The following DDX17 variants were observed in gnomAD, a reference collection of about 807,000 sequenced individuals.
DDX17 encodes the protein DEAD-box helicase 17.
DDX17 carries 10 observed loss-of-function variants against 80.8 expected under a neutral mutation model. The observed-to-expected ratio is 0.12, with a 90% confidence interval of 0.08 to 0.21. The LOEUF is 0.21. Ranked by LOEUF, DDX17 falls within the 10% of genes least tolerant of loss-of-function variation. The pLI, the probability that DDX17 is intolerant of heterozygous loss-of-function variation, is 1.00. For missense variants in DDX17, 586 were observed against 957.4 expected, an observed-to-expected ratio of 0.61 and a Z score of 5.12; for synonymous variants, 339 against 336.2, an observed-to-expected ratio of 1.01 and a Z score of -0.09.
In DDX17 at chr22:38,487,181, A is replaced by G. The variant is rs190546641; in HGVS notation, c.1684+698T>C. On this transcript the variant is annotated intron_variant, in intron 12 of 12. Transcript: ENST00000403230. Reference sequence around the variant, plus strand: ...AGACTGTCTCTGCCCCCGCCCCGCCAAAGCAACCACATTAAAACTCAGACC... The same window carrying G: ...AGACTGTCTCTGCCCCCGCCCCGCCGAAGCAACCACATTAAAACTCAGACC... Among the ~76,000 whole-genome samples, 520 of 152,250 alleles carry G rather than the reference A, an allele frequency of 3.4e-3. 3 individuals are homozygous for G. Among genetic ancestry groups the G allele is most frequent in the African/African-American group, 0.012 (501 of 41,554 alleles).
At position 38,485,946 on chromosome 22, in the gene DDX17, AAGG is replaced by A. The variant is rs996458684; in HGVS notation, c.2176_2178del (p.Pro726del). On this transcript the variant is annotated inframe_deletion, in exon 13 of 13. Transcript: ENST00000403230. ...CCACTTGAGTGGTTTCATTTACGTG[AAGG>A]AGGAGGAGGGGGAGGAGGAGGAGGG... The A allele has an allele frequency of 1.2e-5, 19 of 1,613,356 alleles. No homozygotes were observed. Among genetic ancestry groups the A allele is most frequent in the Admixed American group, 1.7e-5 (1 of 59,972 alleles).
At chr22:38,500,200 T>A (rs191136127) in intron 2 of DDX17, among the ~76,000 whole-genome samples, 1 of 151,070 alleles carries the variant, frequency 6.6e-6, no homozygotes, top group Non-Finnish European at 1.5e-5. Context: ...CCAATCTATC[T>A]TTTTCACTAA....
chr22:38,489,383 C>T lies in DDX17; in HGVS notation c.1448-1268G>A. On this transcript the variant is annotated intron_variant, in intron 11 of 12. Transcript: ENST00000403230. This position sits in a 1 kb window ranked among gnomAD's most constrained non-coding sequence, Gnocchi z 4.6. ...TCAAGGGTCCGTGGCAGTGAGAAGT[C>T]CCCACACACGCTCGCTCTGTGAACT... The T allele has an allele frequency of 1.0e-6, 1 of 985,738 alleles. No homozygotes were observed. The highest frequency in any genetic ancestry group is 1.7e-5 in the African/African-American group (1 of 57,298). 61.1% of individuals were successfully genotyped at this position (985,738 alleles called of 1,614,324 possible). A position where few individuals can be genotyped will look rare whatever the true frequency, so the allele number is the denominator to read the frequency against.
intron 5 of DDX17, among the ~76,000 whole-genome samples, chr22:38,496,940 T>A (rs2089773931): frequency 6.6e-6 from 1 of 152,198 alleles, no homozygotes; most frequent in Non-Finnish European, 1.5e-5. Context: ...TTTCTTTTTG[T>A]GAATATCTTG....
intron 3 of DDX17, 70 bp from the exon 4 acceptor site, chr22:38,498,643 T>G (rs1207484347): frequency 6.5e-7 from 1 of 1,544,002 alleles, no homozygotes; most frequent in African/African-American, 1.4e-5. Context: ...TTAAAAAAAC[T>G]TTTAAGCTCA....
Position 38,498,527 on chromosome 22 carries a change from A to G in DDX17, c.585T>C (p.Thr195=), listed in dbSNP as rs1233511610. 1.9e-6 allele frequency: 3 copies of G among 1,614,014 alleles called. No individual in the cohort carries two copies. The highest frequency in any genetic ancestry group is 1.3e-5 in the African/African-American group (1 of 74,888). Residue 195 remains threonine (T), a synonymous_variant, in exon 4 of 13, where the codon ACT becomes ACC. Coordinates refer to ENST00000403230, the MANE Select transcript of DDX17 (RefSeq NM_006386.5). ...ACGGAAATCCCTGGCACTGAATTGG[A>G]GTTGGTTCTGTAAAGTGCTGATCCA...
At chr22:38,492,458 T>C (rs1023558301) in intron 10 of DDX17, among the ~76,000 whole-genome samples, 3 of 152,100 alleles carry the variant, frequency 2.0e-5, no homozygotes, top group Non-Finnish European at 4.4e-5. Flanking sequence ...GAACTGAATT[T>C]CCCCCCAAAA....
intron 12 of DDX17, among the ~76,000 whole-genome samples, chr22:38,486,936 A>G (rs887427147): frequency 2.5e-4 from 38 of 152,176 alleles, no homozygotes; most frequent in African/African-American, 8.7e-4. Flanking sequence ...ACTTTGGGAG[A>G]TCAAGGCAGG....
At chr22:38,490,925 G>C (rs2089707638) in intron 11 of DDX17, 1 of 156,050 alleles carries the variant, frequency 6.4e-6, no homozygotes, top group Non-Finnish European at 1.4e-5. Context: ...GAAATGCAAG[G>C]GGACATGGAG....
chr22:38,486,423 G>C lies in DDX17; in HGVS notation c.1702C>G (p.Arg568Gly), dbSNP rs1385654288. 6.2e-7 allele frequency: 1 copy of C among 1,608,822 alleles called. No individual in the cohort carries two copies. Among genetic ancestry groups the C allele is most frequent in the Non-Finnish European group, 8.5e-7 (1 of 1,176,958 alleles). The change falls in exon 13 of 13, where the codon CGG becomes GGG. Residue 568 changes from arginine (R) to glycine (G), a missense_variant. Arg to Gly is a moderately radical substitution (Grantham distance 125, BLOSUM62 -2). Around this residue, in one of 4 missense-constraint regions of DDX17, gnomAD observed 221 missense variants for 261.4 expected, o/e 0.85. Coordinates refer to ENST00000403230, the MANE Select transcript of DDX17 (RefSeq NM_006386.5). Reference sequence around the variant, plus strand: ...GGATTGTTGGCTGAAGAAGTGGTCCGGTAACGAGAACGACCACCTAATGGG... The same window carrying C: ...GGATTGTTGGCTGAAGAAGTGGTCCCGTAACGAGAACGACCACCTAATGGG...
chr22:38,485,845 AAAAG>A lies in DDX17; in HGVS notation c.*86_*89del. The A allele has an allele frequency of 6.9e-7, 1 of 1,446,218 alleles. No homozygotes were observed. Among genetic ancestry groups the A allele is most frequent in the South Asian group, 1.5e-5 (1 of 65,846 alleles). 89.6% of individuals were successfully genotyped at this position (1,446,218 alleles called of 1,614,324 possible). The stretch of plus-strand genomic sequence containing the variant: ...AAAAAAAAAAAGAAAAAAGGAAAAA[AAAAG>A]AAAAGGCGAAGAGGAAAAAAAAAGG... On this transcript the variant is annotated 3_prime_UTR_variant, in exon 13 of 13. Coordinates refer to ENST00000403230, the MANE Select transcript of DDX17 (RefSeq NM_006386.5).
chr22:38,493,671 G>A (rs1463491728), intron 10 of DDX17, 39 bp downstream of exon 10: 2 of 1,475,120 alleles, frequency 1.4e-6, no homozygotes, highest in East Asian at 2.3e-5. Flanking sequence ...ATGGGCAGGG[G>A]GTGGGGAATC....
intron 1 of DDX17, among the ~76,000 whole-genome samples, chr22:38,504,558 C>A (rs903690684): frequency 2.0e-5 from 3 of 152,156 alleles, no homozygotes; most frequent in African/African-American, 4.8e-5. Context: ...TACTGTCACA[C>A]GCGAAGCAAA....
Position 38,506,111 on chromosome 22 carries a change from C to A in DDX17, c.127G>T (p.Ala43Ser), listed in dbSNP as rs770917287. The A allele has an allele frequency of 6.3e-7, 1 of 1,575,268 alleles. No homozygotes were observed. Among genetic ancestry groups the A allele is most frequent in the Admixed American group, 1.9e-5 (1 of 52,902 alleles). Residue 43 changes from alanine (A) to serine (S), a missense_variant, in exon 1 of 13, where the codon GCC (alanine) becomes TCC (serine). Ala to Ser is a moderately conservative substitution (Grantham distance 99). Transcript: ENST00000403230. ...GGCGGCGGCGCCTCCGCTGTTGGGG[C>A]GGCGGCAGGCGCAGCGCTCTCTCGC...
Position 38,494,318 on chromosome 22 carries a change from T to C in DDX17, c.1215-187A>G, listed in dbSNP as rs2089740477. ...CAAGAAATACTAACTCATACCATCC[T>C]CACAGCAAGTCTCATGTAAGTGGTA... is the stretch of plus-strand genomic sequence containing the variant. On this transcript the variant is annotated intron_variant, in intron 8 of 12. Coordinates refer to ENST00000403230, the MANE Select transcript of DDX17 (RefSeq NM_006386.5). 5.1e-6 allele frequency: 3 copies of C among 589,840 alleles called. No individual in the cohort carries two copies. The African/African-American group carries it at 5.6e-5, about 11-fold the overall frequency. 36.5% of individuals were successfully genotyped at this position (589,840 alleles called of 1,614,324 possible).
Position 38,487,936 on chromosome 22 carries a change from C to G in DDX17, c.1627G>C (p.Ala543Pro). ...AGCTGCATCAGTTTTGGATTGATAGCCTGATTGGCCTCTTCCAGCACTTTG... is the reference window on the plus strand; with the variant it reads ...AGCTGCATCAGTTTTGGATTGATAGGCTGATTGGCCTCTTCCAGCACTTTG... Residue 543 changes from alanine (A) to proline (P), a missense_variant, in exon 12 of 13, where the codon GCT becomes CCT. Around this residue, in one of 4 missense-constraint regions of DDX17, gnomAD observed 221 missense variants for 261.4 expected, o/e 0.85. Coordinates refer to ENST00000403230, the MANE Select transcript of DDX17 (RefSeq NM_006386.5). The G allele has an allele frequency of 6.2e-7, 1 of 1,614,234 alleles. No individual in the cohort carries two copies. Among genetic ancestry groups the G allele is most frequent in the Non-Finnish European group, 8.5e-7 (1 of 1,180,046 alleles).
intron 9 of DDX17, 26 bp from the exon 10 acceptor site, chr22:38,493,797 T>C: frequency 1.2e-6 from 2 of 1,603,164 alleles, no homozygotes; most frequent in Non-Finnish European, 1.7e-6. Flanking sequence ...TGACCAATAT[T>C]TTAAAAATCT....
intron 10 of DDX17, 162 bp downstream of exon 10, chr22:38,493,548 G>A: frequency 3.2e-6 from 2 of 625,090 alleles, no homozygotes; most frequent in Non-Finnish European, 5.8e-6. Context: ...AAACAGCAGT[G>A]CTGAGTGGCT....
At chr22:38,498,191 T>C in intron 4 of DDX17, 41 bp from the exon 5 acceptor site, 1 of 1,594,192 alleles carries the variant, frequency 6.3e-7, no homozygotes, top group African/African-American at 1.3e-5. Context: ...CGCTTAGAAG[T>C]ACAATCTTAC....
Sources: allele counts gnomAD v4.1 joint callset (sites outside exome capture counted in the v4.1 genomes callset), GRCh38; gene constraint gnomAD v4.1.1; regional missense constraint gnomAD v4.1.1; non-coding constraint Gnocchi (gnomAD v3.1); transcripts MANE v1.5; gene names NCBI Gene and HGNC (gene_info 2026-07-23, HGNC 2026-07-21).